ANK1: variants seen among roughly 807,000 people sequenced by gnomAD.
ANK1 encodes the protein ankyrin 1.
A neutral mutation model predicts 210.4 loss-of-function variants in ANK1; 51 were observed. The observed-to-expected ratio is 0.24, with a 90% CI of 0.19 to 0.31. The LOEUF (loss-of-function observed/expected upper bound fraction) is 0.31. ANK1 is among the 10% of genes least tolerant of loss of function. ANK1 has a pLI of 1.00. For missense variants in ANK1, 2,051 were observed against 2,504.4 expected, an observed-to-expected ratio of 0.82 and a Z score of 3.86; for synonymous variants, 967 against 1,025.9, an observed-to-expected ratio of 0.94 and a Z score of 1.10.
chr8:41,870,599 C>T lies in ANK1; in HGVS notation c.126+25756G>A, dbSNP rs562392022. ...AATGTGAGGTTACTGGGCAAAGCTG[C>T]CAGAGGTCTGAGAACGTGTGGCCGG... On this transcript the variant is annotated intron_variant, in intron 1 of 42. Transcript: ENST00000265709. Among the ~76,000 whole-genome samples, 12 of 152,326 alleles carry T rather than the reference C, an allele frequency of 7.9e-5. No homozygotes were observed. The South Asian group carries it at 2.3e-3, about 29-fold the overall frequency.
In ANK1 at chr8:41,727,329, T is replaced by C. The variant is rs766658207; in HGVS notation, c.347A>G (p.Tyr116Cys). Residue 116 changes from tyrosine to cysteine, a missense_variant, in exon 5 of 43, where the codon TAC (tyrosine) becomes TGC (cysteine). Tyr to Cys is a radical substitution (Grantham distance 194). This residue lies in a region of ANK1 where 72 missense variants were observed against 133.5 expected (regional missense o/e 0.54). Transcript: ENST00000289734. Reference sequence around the variant, plus strand: ...CAAGTGGTTCTCTTGTGCTGCCATGTACAGGGGTGTAAAACCTTTCTGTAA... The same window carrying C: ...CAAGTGGTTCTCTTGTGCTGCCATGCACAGGGGTGTAAAACCTTTCTGTAA... ...AQSQKGFTPL[Y>C]MAAQENHLEV... The C allele has an allele frequency of 6.2e-7, 1 of 1,614,088 alleles. No individual in the cohort carries two copies. Among genetic ancestry groups the C allele is most frequent in the East Asian group, 2.2e-5 (1 of 44,888 alleles).
intron 1 of ANK1, among the ~76,000 whole-genome samples, chr8:41,806,732 T>G (rs922312126): frequency 2.0e-5 from 3 of 152,112 alleles, no homozygotes; most frequent in Non-Finnish European, 4.4e-5. Flanking sequence ...GCAACAGAGC[T>G]AGACTCTGTC....
At chr8:41,826,201 G>A (rs1381610573) in intron 1 of ANK1, among the ~76,000 whole-genome samples, 1 of 152,070 alleles carries the variant, frequency 6.6e-6, no homozygotes, top group African/African-American at 2.4e-5. Context: ...TCCTCCCTTT[G>A]CTGACTGTGC....
chr8:41,780,867 A>C (rs890706948), intron 1 of ANK1, among the ~76,000 whole-genome samples: 8 of 152,034 alleles, frequency 5.3e-5, no homozygotes, highest in Non-Finnish European at 1.0e-4. Flanking sequence ...CAGACAAAGA[A>C]ACCAAGAGTG....
At chr8:41,823,759 G>A (rs1804872348) in intron 1 of ANK1, among the ~76,000 whole-genome samples, 1 of 152,088 alleles carries the variant, frequency 6.6e-6, no homozygotes, top group African/African-American at 2.4e-5. Context: ...GCAAGACCCT[G>A]TCTGAAAATA....
intron 1 of ANK1, among the ~76,000 whole-genome samples, chr8:41,758,605 G>T (rs1839754687): frequency 6.6e-6 from 1 of 152,054 alleles, no homozygotes; most frequent in Non-Finnish European, 1.5e-5. Context: ...GCCTCCCAAA[G>T]TGTTGGGATT....
chr8:41,856,775 A>C lies in ANK1; in HGVS notation c.126+39580T>G, dbSNP rs1587449920. Among the ~76,000 whole-genome samples, 3 of 152,174 alleles carry C rather than the reference A, an allele frequency of 2.0e-5. 1 individual carries two copies. The highest frequency in any genetic ancestry group is 1.9e-4 in the East Asian group (1 of 5,204). ...CAAATATTCCAAAATCCAAAAAAAA[A>C]ATTGAAATCCAAAACATTTCTGGTC... On this transcript the variant is annotated intron_variant, in intron 1 of 42. Coordinates refer to the ANK1 transcript ENST00000265709.
In ANK1 at chr8:41,797,387, C is replaced by T. The variant is rs1354902308; in HGVS notation, c.27+125G>A. On this transcript the variant is annotated intron_variant, in intron 1 of 42. Coordinates refer to ENST00000289734, the MANE Select transcript of ANK1 (RefSeq NM_000037.4). This position sits in a 1 kb window ranked among gnomAD's most constrained non-coding sequence, Gnocchi z 4.0. Reference sequence around the variant, plus strand: ...GTGCCGCTATGCTAAGGCAGGGAGCCCACGGGGAGGCGAGGCGGGTGGGGT... The same window carrying T: ...GTGCCGCTATGCTAAGGCAGGGAGCTCACGGGGAGGCGAGGCGGGTGGGGT... 2.4e-6 allele frequency: 2 copies of T among 840,750 alleles called. No individual in the cohort carries two copies. Among genetic ancestry groups the T allele is most frequent in the East Asian group, 5.4e-5 (2 of 36,820 alleles). 52.1% of individuals were successfully genotyped at this position (840,750 alleles called of 1,614,324 possible).
intron 1 of ANK1, 91 bp from the exon 2 acceptor site, chr8:41,758,228 G>T (rs1839640218): frequency 8.6e-7 from 1 of 1,162,122 alleles, no homozygotes; most frequent in African/African-American, 1.5e-5. Flanking sequence ...AGCAGCCCCT[G>T]CATCCTCTGA....
At chr8:41,718,933 T>A (rs747629962) in intron 10 of ANK1, among the ~76,000 whole-genome samples, 5 of 152,220 alleles carry the variant, frequency 3.3e-5, no homozygotes, top group Non-Finnish European at 7.3e-5. Context: ...AACTCCCCTA[T>A]AACAGTACGT....
At position 41,895,269 on chromosome 8, in the gene ANK1, GA is replaced by G. The variant is rs1820250646; in HGVS notation, c.126+1085del. ...CTGAGGGGCCCCACTCCTTGCTGGG[GA>G]GCCGTGCAGGCTGGGCCCCACATCG... is the stretch of plus-strand genomic sequence containing the variant. On this transcript the variant is annotated intron_variant, in intron 1 of 42. Coordinates refer to the ANK1 transcript ENST00000265709. 1.3e-5 allele frequency among the ~76,000 whole-genome samples: 2 copies of G among 152,214 alleles called. 1 individual carries two copies. Among genetic ancestry groups the G allele is most frequent in the South Asian group, 4.1e-4 (2 of 4,828 alleles).
chr8:41,888,411 G>A (rs1360951527), intron 1 of ANK1, among the ~76,000 whole-genome samples: 1 of 152,244 alleles, frequency 6.6e-6, no homozygotes, highest in Non-Finnish European at 1.5e-5. Context: ...CTTAGGGGCA[G>A]GCGACAGAAC....
At chr8:41,689,978 C>T (rs1818810272) in intron 33 of ANK1, among the ~76,000 whole-genome samples, 1 of 152,216 alleles carries the variant, frequency 6.6e-6, no homozygotes, top group South Asian at 2.1e-4. Context: ...CCATCTGATA[C>T]CAACATTTGT....
At chr8:41,714,583 G>A (rs116586988) in intron 15 of ANK1, among the ~76,000 whole-genome samples, 1,995 of 152,296 alleles carry the variant, frequency 0.013, 48 homozygotes, top group African/African-American at 0.045. Context: ...TAAACAGGCC[G>A]GGTGCAGTGG....
chr8:41,879,029 A>T (rs987852113), intron 1 of ANK1, among the ~76,000 whole-genome samples: 1 of 152,134 alleles, frequency 6.6e-6, no homozygotes, highest in Non-Finnish European at 1.5e-5. Flanking sequence ...GCGCCACTGC[A>T]CTCCAGCCTG....
chr8:41,701,970 C>T, intron 21 of ANK1, 82 bp downstream of exon 21: 1 of 1,448,080 alleles, frequency 6.9e-7, no homozygotes, highest in South Asian at 1.2e-5. Flanking sequence ...CAGAACGCAC[C>T]CCACTTCCAG....
intron 1 of ANK1, among the ~76,000 whole-genome samples, chr8:41,880,603 CA>C (rs1817407711): frequency 6.6e-6 from 1 of 152,208 alleles, no homozygotes; most frequent in Non-Finnish European, 1.5e-5. Context: ...CAGTTCTTTG[CA>C]GGGGGGCTGG....
chr8:41,789,304 T>C (rs980186478), intron 1 of ANK1: 1 of 152,228 alleles, frequency 6.6e-6, no homozygotes, highest in African/African-American at 2.4e-5. Flanking sequence ...GAACCTGTGA[T>C]TTCAAAAAAG....
At chr8:41,688,750 G>A (rs1159032488) in intron 33 of ANK1, among the ~76,000 whole-genome samples, 161 bp from the exon 34 acceptor site, 1 of 152,194 alleles carries the variant, frequency 6.6e-6, no homozygotes, top group African/African-American at 2.4e-5. Context: ...TAACACATGG[G>A]AGGAGTGGGA....
Sources: allele counts gnomAD v4.1 joint callset (sites outside exome capture counted in the v4.1 genomes callset), GRCh38; gene constraint gnomAD v4.1.1; regional missense constraint gnomAD v4.1.1; non-coding constraint Gnocchi (gnomAD v3.1); transcripts MANE v1.5; gene names NCBI Gene and HGNC (gene_info 2026-07-23, HGNC 2026-07-21).